The following PCDHGA4 variants were observed in gnomAD, a reference collection of about 807,000 sequenced individuals.
The protein encoded by PCDHGA4 is protocadherin gamma-A4.
In PCDHGA4, 38 loss-of-function variants were observed where a neutral mutation model predicts 54.6. The observed-to-expected ratio is 0.70, with a 90% CI of 0.54 to 0.91. The LOEUF (loss-of-function observed/expected upper bound fraction) is 0.91. Among genes scored for constraint, PCDHGA4 ranks in the 40% least tolerant of loss-of-function variants. The pLI is 0.00. For synonymous variants in PCDHGA4, 511 were observed against 512.9 expected, an observed-to-expected ratio of 1.00 and a Z score of 0.05; for missense variants, 1,298 against 1,220.9, an observed-to-expected ratio of 1.06 and a Z score of -0.94.
At chr5:141,460,987 A>C (rs201722325) in intron 1 of PCDHGA4, among the ~76,000 whole-genome samples, 1 of 92,990 alleles carries the variant, frequency 1.1e-5, no homozygotes, top group South Asian at 3.4e-4. Context: ...GTGTGTGTAT[A>C]TATATATATG....
At chr5:141,478,639 A>G (rs377308663) in intron 1 of PCDHGA4, 168 of 1,552,322 alleles carry the variant, frequency 1.1e-4, no homozygotes, top group Non-Finnish European at 1.0e-4. Context: ...TTAGTGATGA[A>G]GATGTTTTCC....
rs750879556 is a variant in PCDHGA4 at position 141,357,037 on chromosome 5, G to A, written c.1930G>A (p.Glu644Lys). 42 of 1,613,924 alleles carry A rather than the reference G, an allele frequency of 2.6e-5. No individual in the cohort carries two copies. The highest frequency in any genetic ancestry group is 3.2e-5 in the Non-Finnish European group (38 of 1,179,982). ...GTCCTACAGCCTACTCAAGTCCAGC[G>A]AGCCGGGACTATTTGCAGTGGGGCT... is the stretch of plus-strand genomic sequence containing the variant. Reference protein sequence around the residue: ...WLSYSLLKSSEPGLFAVGLHT... With the variant: ...WLSYSLLKSSKPGLFAVGLHT... The change falls in exon 1 of 4, where the codon GAG becomes AAG. Residue 644 changes from glutamate (E) to lysine (K), a missense_variant. Coordinates refer to ENST00000571252, the MANE Select transcript of PCDHGA4 (RefSeq NM_018917.4).
chr5:141,403,333 C>A (rs376895778), intron 1 of PCDHGA4: 1 of 1,613,984 alleles, frequency 6.2e-7, no homozygotes, highest in South Asian at 1.1e-5. Flanking sequence ...CTGATATTAA[C>A]GACAGCGCCC....
Position 141,408,181 on chromosome 5 carries a change from C to G in PCDHGA4, c.2514+50560C>G, listed in dbSNP as rs1304952667. ...TTTCTCCAACTGGAAAAGCGGGGAC[C>G]CAGCGAGAACCCGAGCGAACGATGG... On this transcript the variant is annotated intron_variant, in intron 1 of 3. Coordinates refer to ENST00000571252, the MANE Select transcript of PCDHGA4 (RefSeq NM_018917.4). The G allele has an allele frequency of 1.6e-5, 24 of 1,536,932 alleles. No individual in the cohort carries two copies. In the East Asian group the frequency reaches 5.6e-4, roughly 36 times the overall value.
chr5:141,432,635 G>C lies in PCDHGA4; in HGVS notation c.2515-62172G>C, dbSNP rs754354737. On this transcript the variant is annotated intron_variant, in intron 1 of 3. Transcript: ENST00000571252. The surrounding 1 kb of genome is among the most constrained non-coding windows in gnomAD (Gnocchi z 6.0). ...CTCGGTGGGTCTGCACACGGGCGAG[G>C]TGCGCACGGCGCGAGCCCTGCTGGA... The C allele has an allele frequency of 5.6e-6, 9 of 1,612,886 alleles. No individual in the cohort carries two copies. Among genetic ancestry groups the C allele is most frequent in the Non-Finnish European group, 7.6e-6 (9 of 1,179,742 alleles).
rs139867523 is a variant in PCDHGA4, at chr5:141,474,274, G to A, written c.2515-20533G>A. 1.2e-4 allele frequency among the ~76,000 whole-genome samples: 19 copies of A among 152,278 alleles called. No homozygotes were observed. In the East Asian group the frequency reaches 3.3e-3, roughly 26 times the overall value. On this transcript the variant is annotated intron_variant, in intron 1 of 3. Coordinates refer to ENST00000571252, the MANE Select transcript of PCDHGA4 (RefSeq NM_018917.4). ...AAGACTGATAAACCAGTGTATCTCT[G>A]AATAACCCACTAGATCAGTGCTTGT...
chr5:141,444,146 T>C (rs2098418879), intron 1 of PCDHGA4, among the ~76,000 whole-genome samples: 2 of 145,824 alleles, frequency 1.4e-5, no homozygotes, highest in South Asian at 4.3e-4. Flanking sequence ...CACTTGTGTG[T>C]ACTGGATTTT....
intron 1 of PCDHGA4, among the ~76,000 whole-genome samples, chr5:141,436,175 A>G (rs1263518258): frequency 1.3e-5 from 2 of 152,192 alleles, no homozygotes; most frequent in Non-Finnish European, 2.9e-5. Flanking sequence ...CAGTTCTCAT[A>G]TATAGTCAAA....
intron 1 of PCDHGA4, chr5:141,479,660 A>G (rs1206947602): frequency 6.6e-6 from 1 of 152,266 alleles, no homozygotes; most frequent in African/African-American, 2.4e-5. Flanking sequence ...ACAATCCCAG[A>G]AACTACAAAA....
chr5:141,470,550 A>G (rs899475300), intron 1 of PCDHGA4, among the ~76,000 whole-genome samples: 1 of 152,120 alleles, frequency 6.6e-6, no homozygotes, highest in Non-Finnish European at 1.5e-5. Flanking sequence ...ATTTATTGAG[A>G]GTTTCCTCTG....
chr5:141,355,412 G>A lies in PCDHGA4; in HGVS notation c.305G>A (p.Arg102Lys), dbSNP rs556932481. Residue 102 changes from arginine to lysine, a missense_variant, in exon 1 of 4, where the codon AGG becomes AAG. By Grantham distance (26) the Arg-to-Lys change is conservative. Coordinates refer to ENST00000571252, the MANE Select transcript of PCDHGA4 (RefSeq NM_018917.4). ...GGAGTCCGCATCGTCTCCAGAGGTA[G>A]GACGCAGCTTTTCGCCCTGAACCCG... is the stretch of plus-strand genomic sequence containing the variant. ...ERGVRIVSRGRTQLFALNPRS... is the reference protein window; with the variant it reads ...ERGVRIVSRGKTQLFALNPRS... 188 of 1,614,112 alleles carry A rather than the reference G, an allele frequency of 1.2e-4. 2 individuals are homozygous for A. In the South Asian group the frequency reaches 2.0e-3, roughly 17 times the overall value.
intron 1 of PCDHGA4, chr5:141,424,789 A>T (rs538504226): frequency 2.0e-5 from 3 of 152,238 alleles, no homozygotes; most frequent in African/African-American, 7.2e-5. Flanking sequence ...CAGTTCTTTT[A>T]TTCAGACCAA....
intron 1 of PCDHGA4, chr5:141,384,294 C>G: frequency 6.2e-7 from 1 of 1,613,864 alleles, no homozygotes; most frequent in Non-Finnish European, 8.5e-7. Flanking sequence ...CTGAGAACAA[C>G]CCCAGAGGGG....
chr5:141,382,942 C>G, intron 1 of PCDHGA4: 1 of 1,595,524 alleles, frequency 6.3e-7, no homozygotes, highest in African/African-American at 1.3e-5. Flanking sequence ...AGGATTCTTC[C>G]TGCTCTCCAT....
At chr5:141,380,197 G>A (rs1222877039) in intron 1 of PCDHGA4, among the ~76,000 whole-genome samples, 1 of 152,144 alleles carries the variant, frequency 6.6e-6, no homozygotes, top group East Asian at 1.9e-4. Flanking sequence ...ACTGAGCCCG[G>A]CCTGAAAGGC....
rs1221646532 is a variant in PCDHGA4, at chr5:141,366,822, TTCAGA to T, written c.2514+9202_2514+9206del. ...TTTCCTTTTTCATGTTTCTGTCATA[TTCAGA>T]ATCAGCTAGTTATGTAAATAGTGGA... On this transcript the variant is annotated intron_variant, in intron 1 of 3. Transcript: ENST00000571252. The T allele has an allele frequency of 2.6e-6, 4 of 1,538,856 alleles. No homozygotes were observed. The Admixed American group carries it at 8.0e-5, about 31-fold the overall frequency.
chr5:141,390,556 CAGTTGTTGG>C, intron 1 of PCDHGA4: 2 of 454,162 alleles, frequency 4.4e-6, no homozygotes, highest in Admixed American at 3.9e-5. Flanking sequence ...AAGTGTTAGA[CAGTTGTTGG>C]CTCTCTCCTA....
intron 3 of PCDHGA4, among the ~76,000 whole-genome samples, chr5:141,505,868 G>T (rs2099848820): frequency 6.6e-6 from 1 of 152,170 alleles, no homozygotes; most frequent in Admixed American, 6.5e-5. Context: ...GGACCCCAAA[G>T]GGTTGTTGTA....
At chr5:141,473,548 C>A (rs1158305951) in intron 1 of PCDHGA4, among the ~76,000 whole-genome samples, 3 of 152,118 alleles carry the variant, frequency 2.0e-5, no homozygotes, top group South Asian at 2.1e-4. Context: ...TAATGGAAGA[C>A]CTCTATTAGG....
Sources: gnomAD v4.1 joint callset for allele counts (sites outside exome capture counted in the v4.1 genomes callset) on GRCh38, gnomAD v4.1.1 for gene constraint, Gnocchi (gnomAD v3.1) non-coding constraint, MANE v1.5 for transcripts, NCBI Gene and HGNC (gene_info 2026-07-23, HGNC 2026-07-21) for gene names.